TSHZ3: variants seen among roughly 807,000 people sequenced by gnomAD.
TSHZ3 encodes the protein teashirt zinc finger homeobox 3.
In TSHZ3, 10 loss-of-function variants were observed where a neutral mutation model predicts 64.5. The ratio of observed to expected loss-of-function variants is 0.16; its 90% confidence interval spans 0.10 to 0.26. The LOEUF (loss-of-function observed/expected upper bound fraction) is 0.26, where lower values mean the gene tolerates loss of function less well. Ranked by LOEUF, TSHZ3 falls within the 10% of genes least tolerant of loss-of-function variation. The pLI, the probability that TSHZ3 is intolerant of heterozygous loss-of-function variation, is 1.00. For missense variants in TSHZ3, 1,242 were observed against 1,421.7 expected (o/e 0.87, Z 2.03); for synonymous variants, 608 against 593.1 (o/e 1.03, Z -0.36).
At chr19:31,268,826 C>T (rs1976093249) in intron 1 of TSHZ3, among the ~76,000 whole-genome samples, 1 of 152,136 alleles carries the variant, frequency 6.6e-6, no homozygotes, top group Non-Finnish European at 1.5e-5. Flanking sequence ...CTCTGAGTCT[C>T]ACCTTTACGG....
At chr19:31,169,170 A>G (rs1974499703) in intron 5 of TSHZ3, among the ~76,000 whole-genome samples, 1 of 152,268 alleles carries the variant, frequency 6.6e-6, no homozygotes, top group East Asian at 1.9e-4. Context: ...AGAAAAAGAA[A>G]GTAAAAAGGC....
chr19:31,282,324 C>G (rs1346635591), intron 1 of TSHZ3, among the ~76,000 whole-genome samples: 1 of 152,156 alleles, frequency 6.6e-6, no homozygotes, highest in Non-Finnish European at 1.5e-5. Context: ...ACCCCACACC[C>G]TGGGGATTTT....
rs564024506 is a variant in TSHZ3, at chr19:31,291,422, G to A, written c.41-11670C>T. Among the ~76,000 whole-genome samples, 6 of 152,306 alleles carry A rather than the reference G, an allele frequency of 3.9e-5. No homozygotes were observed. In the East Asian group the frequency reaches 1.2e-3, roughly 29 times the overall value. ...CCTCCCTTCCCAGCACTCTTCATGA[G>A]GGGGATGGCTCAGAAAAGGAGGAGG... On this transcript the variant is annotated intron_variant, in intron 1 of 1. Transcript: ENST00000240587.
chr19:31,218,326 A>T (rs1412325070), intron 4 of TSHZ3, among the ~76,000 whole-genome samples: 1 of 152,222 alleles, frequency 6.6e-6, no homozygotes, highest in African/African-American at 2.4e-5. Context: ...GTCATTAGGG[A>T]GATACAACTT....
At chr19:31,346,892 G>A (rs76290262) in intron 1 of TSHZ3, among the ~76,000 whole-genome samples, 1,815 of 148,886 alleles carry the variant, frequency 0.012, 37 homozygotes, top group African/African-American at 0.042. Flanking sequence ...TCTTCAGTCC[G>A]CCTCCACCCC....
At chr19:31,258,748 T>A (rs1339058326) in intron 1 of TSHZ3, among the ~76,000 whole-genome samples, 8 of 152,216 alleles carry the variant, frequency 5.3e-5, no homozygotes, top group Admixed American at 5.2e-4. Flanking sequence ...TAGCTGTCAA[T>A]CAATGTAGTC....
rs141610131 is a variant in TSHZ3 at position 31,221,456 on chromosome 19, G to A, written n.686+6549C>T. 4.6e-5 allele frequency among the ~76,000 whole-genome samples: 7 copies of A among 152,254 alleles called. No homozygotes were observed. The East Asian group carries it at 1.4e-3, about 29-fold the overall frequency. ...GTGCAGTTCTCCTTATGTCAAATTGGTGGCTGACCTAAATCCACTCCCGGC... is the reference window on the plus strand; with the variant it reads ...GTGCAGTTCTCCTTATGTCAAATTGATGGCTGACCTAAATCCACTCCCGGC... On this transcript the variant is annotated intron_variant and non_coding_transcript_variant, in intron 4 of 6. Coordinates refer to the TSHZ3 transcript ENST00000651361.
chr19:31,195,352 GA>G (rs1369640962), intron 5 of TSHZ3, among the ~76,000 whole-genome samples: 1 of 151,946 alleles, frequency 6.6e-6, no homozygotes, highest in Non-Finnish European at 1.5e-5. Context: ...AAGCCATAGG[GA>G]AAAACACCTT....
At chr19:31,346,797 C>CA (rs796848239) in intron 1 of TSHZ3, among the ~76,000 whole-genome samples, 316 of 150,008 alleles carry the variant, frequency 2.1e-3, no homozygotes, top group African/African-American at 3.5e-3. Flanking sequence ...AAACCACCCC[C>CA]AAAAAAAAAA....
rs1976258569 is a variant in TSHZ3, at chr19:31,277,358, G to C, written c.2435C>G (p.Ser812Cys). The change falls in exon 2 of 2, where the codon TCC (serine) becomes TGC (cysteine). Residue 812 changes from serine (S) to cysteine (C), a missense_variant. Coordinates refer to ENST00000240587, the MANE Select transcript of TSHZ3 (RefSeq NM_020856.4). This position sits in a 1 kb window ranked among gnomAD's most constrained non-coding sequence, Gnocchi z 4.5. ...GGATGAGGAGGTTGCCGGGGCTGTG[G>C]ACGTGGGTGACAGAAGCACTGAACC... ...SLGSVLLSPT[S>C]TAPATSSSTV... The C allele has an allele frequency of 2.5e-6, 4 of 1,614,126 alleles. No individual in the cohort carries two copies. The highest frequency in any genetic ancestry group is 3.4e-6 in the Non-Finnish European group (4 of 1,179,948).
At chr19:31,258,227 T>C (rs1975938022) in intron 1 of TSHZ3, among the ~76,000 whole-genome samples, 1 of 152,100 alleles carries the variant, frequency 6.6e-6, no homozygotes, top group Non-Finnish European at 1.5e-5. Context: ...CTCCCAAGGG[T>C]ATAAGCTCCC....
chr19:31,307,954 T>C (rs1210592298), intron 1 of TSHZ3, among the ~76,000 whole-genome samples: 1 of 152,222 alleles, frequency 6.6e-6, no homozygotes, highest in African/African-American at 2.4e-5. Flanking sequence ...CAGCTATAAA[T>C]AAAATGACAT....
At chr19:31,247,511 C>T (rs1975772279) in intron 1 of TSHZ3, among the ~76,000 whole-genome samples, 1 of 152,120 alleles carries the variant, frequency 6.6e-6, no homozygotes, top group Non-Finnish European at 1.5e-5. Flanking sequence ...GACTCCAGCC[C>T]TCAAAAACGT....
chr19:31,298,602 G>A (rs770467328), intron 1 of TSHZ3, among the ~76,000 whole-genome samples: 4 of 152,232 alleles, frequency 2.6e-5, no homozygotes, highest in Non-Finnish European at 5.9e-5. Context: ...GAACGGTCCT[G>A]GCCCATTTTG....
intron 1 of TSHZ3, among the ~76,000 whole-genome samples, chr19:31,322,548 G>C (rs1432800809): frequency 6.6e-6 from 1 of 152,164 alleles, no homozygotes. Context: ...AGCCTCCCAA[G>C]TAGCTGAAAC....
intron 1 of TSHZ3, among the ~76,000 whole-genome samples, chr19:31,288,776 AGTGATC>A (rs1229497825): frequency 1.3e-5 from 2 of 152,314 alleles, no homozygotes; most frequent in African/African-American, 4.8e-5. Flanking sequence ...CCTGGCCTCA[AGTGATC>A]CTCCAGCGTC....
chr19:31,234,712 T>A (rs1223021629), intron 3 of TSHZ3, among the ~76,000 whole-genome samples: 2 of 152,236 alleles, frequency 1.3e-5, no homozygotes. Flanking sequence ...TTGGAACATC[T>A]TTGCAATACT....
chr19:31,200,398 A>G (rs959621656), intron 5 of TSHZ3, among the ~76,000 whole-genome samples: 1 of 152,234 alleles, frequency 6.6e-6, no homozygotes, highest in Non-Finnish European at 1.5e-5. Flanking sequence ...TTCAAGGCTA[A>G]AAAGAAATGA....
At chr19:31,195,063 G>A (rs1043389295) in intron 5 of TSHZ3, among the ~76,000 whole-genome samples, 3 of 152,006 alleles carry the variant, frequency 2.0e-5, no homozygotes, top group Admixed American at 2.0e-4. Flanking sequence ...GAAAAAAATG[G>A]GGGGGAAGCA....
Sources: allele counts gnomAD v4.1 joint callset (sites outside exome capture counted in the v4.1 genomes callset), GRCh38; gene constraint gnomAD v4.1.1; non-coding constraint Gnocchi (gnomAD v3.1); transcripts MANE v1.5; gene names NCBI Gene and HGNC (gene_info 2026-07-23, HGNC 2026-07-21).